CCDC28B: variants seen among roughly 807,000 people sequenced by gnomAD.
The protein encoded by CCDC28B is coiled-coil domain-containing protein 28B.
In CCDC28B, 17 loss-of-function variants were observed where a neutral mutation model predicts 18.7. That is an observed-to-expected ratio of 0.91 (90% confidence interval 0.62 to 1.36). CCDC28B has a LOEUF of 1.36. Among genes scored for constraint, CCDC28B ranks in the 40% most tolerant of loss-of-function variants. The probability of loss-of-function intolerance (pLI) is 0.00; values close to 1 mark genes in which losing one functional copy is unlikely to be tolerated. For missense variants in CCDC28B, 213 were observed against 251.7 expected, an observed-to-expected ratio of 0.85 and a Z score of 1.04; for synonymous variants, 116 against 105.1, an observed-to-expected ratio of 1.10 and a Z score of -0.64.
upstream of CCDC28B, chr1:32,198,216 TATTCACAA>T (rs1326746959): frequency 6.6e-6 from 1 of 152,268 alleles, no homozygotes; most frequent in Non-Finnish European, 1.5e-5. Context: ...CTCCTTTGGG[TATTCACAA>T]CAGCCAGGGA....
chr1:32,199,550 C>T (rs1429916094), upstream of CCDC28B, among the ~76,000 whole-genome samples: 1 of 152,160 alleles, frequency 6.6e-6, no homozygotes, highest in African/African-American at 2.4e-5. Flanking sequence ...TTCTGTTGTC[C>T]CCAGTCTGGG....
chr1:32,200,201 T>C (rs1207002139), upstream of CCDC28B, among the ~76,000 whole-genome samples: 3 of 152,196 alleles, frequency 2.0e-5, no homozygotes, highest in Non-Finnish European at 4.4e-5. Context: ...AGGGTTGTTA[T>C]GGGGATGAAA....
At chr1:32,204,937 T>C in intron 5 of CCDC28B, 1 of 1,416,056 alleles carries the variant, frequency 7.1e-7, no homozygotes, top group Non-Finnish European at 9.4e-7. Flanking sequence ...TAATTTACAC[T>C]ACCACCTCAC....
rs1643154844 is a variant in CCDC28B at position 32,201,945 on chromosome 1, A to C, written c.10A>C (p.Lys4Gln). 2 of 1,600,592 alleles carry C rather than the reference A, an allele frequency of 1.2e-6. No homozygotes were observed. The highest frequency in any genetic ancestry group is 8.5e-7 in the Non-Finnish European group (1 of 1,174,768). Residue 4 changes from lysine (K) to glutamine (Q), a missense_variant, in exon 2 of 6, where the codon AAA (lysine) becomes CAA (glutamine). Physicochemically the swap from Lys to Gln is moderately conservative, Grantham distance 53 (BLOSUM62 1). Transcript: ENST00000373602. MDD[K>Q]KKKRSPKPCL... is the part of the protein sequence containing the mutation. ...GCCCAGCCAGCGCCCAATGGATGAC[A>C]AAAAGAAGAAACGGAGTCCCAAGCC...
chr1:32,202,351 G>GA (rs1392655629), intron 2 of CCDC28B: 4 of 665,016 alleles, frequency 6.0e-6, no homozygotes, highest in Non-Finnish European at 1.1e-5. Flanking sequence ...AACTCTGCAA[G>GA]AAAGTGAATG....
At chr1:32,202,589 T>C in intron 2 of CCDC28B, 1 of 319,246 alleles carries the variant, frequency 3.1e-6, no homozygotes, top group East Asian at 8.7e-5. Flanking sequence ...TACAATGTAT[T>C]CTTTCTCCAG....
chr1:32,204,496 C>T, intron 4 of CCDC28B, 102 bp from the exon 5 acceptor site: 2 of 1,514,124 alleles, frequency 1.3e-6, no homozygotes, highest in South Asian at 2.7e-5. Flanking sequence ...GATCCAAGAG[C>T]TCTGGGCCCC....
At chr1:32,198,442 C>T (rs57651165), upstream of CCDC28B, among the ~76,000 whole-genome samples, 382 of 152,316 alleles carry the variant, frequency 2.5e-3, no homozygotes, top group African/African-American at 8.9e-3. Context: ...GTCGCCACAG[C>T]CTCAGGATGC....
chr1:32,196,808 A>C (rs894565917), upstream of CCDC28B: 6 of 152,244 alleles, frequency 3.9e-5, no homozygotes, highest in African/African-American at 1.4e-4. Context: ...CTCTCAGATA[A>C]GTTGGTTCAC....
chr1:32,197,866 G>A (rs1384068864), upstream of CCDC28B: 2 of 152,182 alleles, frequency 1.3e-5, no homozygotes, highest in African/African-American at 4.8e-5. The surrounding 1 kb of genome is among the most constrained non-coding windows in gnomAD (Gnocchi z 4.6). Context: ...ACCATGGGCT[G>A]AGCTCAGGCA....
intron 5 of CCDC28B, chr1:32,204,911 G>A (rs1432343859): frequency 5.0e-5 from 74 of 1,466,158 alleles, no homozygotes; most frequent in Non-Finnish European, 9.1e-7. Flanking sequence ...TTTCAGCATT[G>A]AACAATTATT....
rs748820035 is a variant in CCDC28B, at chr1:32,204,354, G to A, written c.500G>A (p.Arg167His). The A allele has an allele frequency of 1.1e-5, 18 of 1,592,536 alleles. No individual in the cohort carries two copies. Among genetic ancestry groups the A allele is most frequent in the Admixed American group, 1.7e-5 (1 of 57,580 alleles). ...GAGCAGAAGAAGACAATGGCTGACC[G>A]TAACCTGGACCAGCTGCTTAGCAAT... ...PEEQKKTMAD[R>H]NLDQLLSNLE... is the part of the protein sequence containing the mutation. The change falls in exon 4 of 6, where the codon CGT (arginine) becomes CAT (histidine). Residue 167 changes from arginine to histidine, a missense_variant. Physicochemically the swap from Arg to His is conservative, Grantham distance 29. Coordinates refer to ENST00000373602, the MANE Select transcript of CCDC28B (RefSeq NM_024296.5).
rs2124184945 is a variant in CCDC28B at position 32,201,853 on chromosome 1, T to C, written c.-23-60T>C. 6 of 1,429,100 alleles carry C rather than the reference T, an allele frequency of 4.2e-6. No homozygotes were observed. In the South Asian group the frequency reaches 8.2e-5, roughly 19 times the overall value. 88.5% of individuals were successfully genotyped at this position (1,429,100 alleles called of 1,614,324 possible). On this transcript the variant is annotated intron_variant, in intron 1 of 5. Transcript: ENST00000373602. Reference sequence around the variant, plus strand: ...CCTTCCTTGGTGCAGCTCTCAGGGATTTCTGGGTGAAGGGCTAACTTTGCC... The same window carrying C: ...CCTTCCTTGGTGCAGCTCTCAGGGACTTCTGGGTGAAGGGCTAACTTTGCC...
At chr1:32,204,572 G>A in intron 4 of CCDC28B, 26 bp from the exon 5 acceptor site, 1 of 1,548,372 alleles carries the variant, frequency 6.5e-7, no homozygotes, top group Non-Finnish European at 8.7e-7. Flanking sequence ...CCTAACAGAA[G>A]CCTCCCTTTT....
chr1:32,198,979 T>C (rs961310871), upstream of CCDC28B, among the ~76,000 whole-genome samples: 2 of 152,196 alleles, frequency 1.3e-5, no homozygotes, highest in Admixed American at 1.3e-4. Flanking sequence ...GGTAGGCTCC[T>C]ATAGCCCTGG....
At chr1:32,204,162 G>A in intron 3 of CCDC28B, 24 bp from the exon 4 acceptor site, 1 of 1,613,650 alleles carries the variant, frequency 6.2e-7, no homozygotes, top group East Asian at 2.2e-5. Context: ...CTTTCCCAGG[G>A]TTCAGACAGG....
intron 5 of CCDC28B, 173 bp downstream of exon 5, chr1:32,204,793 A>C: frequency 6.3e-7 from 1 of 1,598,898 alleles, no homozygotes; most frequent in South Asian, 1.1e-5. Flanking sequence ...ATTTCCCCAA[A>C]ATTAGAAGAA....
At chr1:32,202,190 C>T (rs1643162338) in intron 2 of CCDC28B, 91 bp downstream of exon 2, 1 of 1,499,654 alleles carries the variant, frequency 6.7e-7, no homozygotes, top group Admixed American at 1.8e-5. Flanking sequence ...CCTTTAGTTC[C>T]TAAGCAATAA....
rs765762718 is a variant in CCDC28B at position 32,201,930 on chromosome 1, C to T, written c.-6C>T. ...CCTCCTAGGCCTGAGGCCCAGCCAG[C>T]GCCCAATGGATGACAAAAAGAAGAA... is the stretch of plus-strand genomic sequence containing the variant. On this transcript the variant is annotated 5_prime_UTR_variant, in exon 2 of 6. Coordinates refer to ENST00000373602, the MANE Select transcript of CCDC28B (RefSeq NM_024296.5). 15 of 1,592,968 alleles carry T rather than the reference C, an allele frequency of 9.4e-6. No homozygotes were observed. Among genetic ancestry groups the T allele is most frequent in the South Asian group, 9.1e-5 (8 of 88,262 alleles).
Sources: gnomAD v4.1 joint callset for allele counts (sites outside exome capture counted in the v4.1 genomes callset) on GRCh38, gnomAD v4.1.1 for gene constraint, Gnocchi (gnomAD v3.1) non-coding constraint, MANE v1.5 for transcripts, NCBI Gene and HGNC (gene_info 2026-07-23, HGNC 2026-07-21) for gene names.